Variants in CACNA1B observed in about 807,000 individuals in gnomAD.
The protein encoded by CACNA1B is voltage-dependent N-type calcium channel subunit alpha-1B.
CACNA1B carries 70 observed loss-of-function variants against 247.2 expected under a neutral mutation model. That is an observed-to-expected ratio of 0.28 (90% confidence interval 0.23 to 0.35). The LOEUF (loss-of-function observed/expected upper bound fraction) is 0.35. CACNA1B is among the 10% of genes least tolerant of loss of function. The pLI, the probability that CACNA1B is intolerant of heterozygous loss-of-function variation, is 1.00. For synonymous variants in CACNA1B, 1,231 were observed against 1,294.4 expected, an observed-to-expected ratio of 0.95 and a Z score of 1.05; for missense variants, 2,367 against 3,197.4, an observed-to-expected ratio of 0.74 and a Z score of 6.26.
intron 12 of CACNA1B, among the ~76,000 whole-genome samples, chr9:137,978,150 CACT>C (rs1958246601): frequency 7.8e-6 from 1 of 127,778 alleles, no homozygotes; most frequent in Non-Finnish European, 1.6e-5. Context: ...AGGGTGGGAG[CACT>C]ACTTCCCCCC....
At chr9:137,927,100 C>T (rs1425811586) in intron 6 of CACNA1B, among the ~76,000 whole-genome samples, 1 of 152,094 alleles carries the variant, frequency 6.6e-6, no homozygotes, top group Non-Finnish European at 1.5e-5. Flanking sequence ...TCCAAGAAGT[C>T]GCTGTCAAAT....
intron 42 of CACNA1B, among the ~76,000 whole-genome samples, chr9:138,117,415 G>T (rs1264739537): frequency 6.6e-6 from 1 of 152,060 alleles, no homozygotes; most frequent in African/African-American, 2.4e-5. Context: ...TCCCCTCCAT[G>T]ACAGCTTTGC....
chr9:138,108,612 G>T (rs1429159416), intron 39 of CACNA1B, among the ~76,000 whole-genome samples: 1 of 151,816 alleles, frequency 6.6e-6, no homozygotes, highest in Non-Finnish European at 1.5e-5. Context: ...TATAAACATA[G>T]ATTTTTTTAA....
intron 36 of CACNA1B, among the ~76,000 whole-genome samples, chr9:138,092,788 A>G (rs1228931869): frequency 6.6e-6 from 1 of 152,196 alleles, no homozygotes; most frequent in Non-Finnish European, 1.5e-5. Context: ...AATTTGGGGA[A>G]CTAACAAATG....
At chr9:138,113,572 G>C (rs1337944357) in intron 40 of CACNA1B, among the ~76,000 whole-genome samples, 24 of 98,038 alleles carry the variant, frequency 2.4e-4, no homozygotes, top group African/African-American at 3.3e-4. Context: ...GTGCCCAACT[G>C]CATCTTGCGG....
rs181231786 is a variant in CACNA1B, at chr9:137,961,302, G to A, written c.1333+3615G>A. 2.4e-3 allele frequency among the ~76,000 whole-genome samples: 368 copies of A among 152,170 alleles called. 6 individuals are homozygous for A. Among genetic ancestry groups the A allele is most frequent in the Non-Finnish European group, 4.0e-4 (27 of 67,968 alleles). ...TCAGCTTGAGAATATTTTGGGCTCA[G>A]ATGATGGCATCTGCAAACAAAGATG... On this transcript the variant is annotated intron_variant, in intron 10 of 46. Transcript: ENST00000371372.
At chr9:137,908,731 C>A (rs1310062014) in intron 3 of CACNA1B, among the ~76,000 whole-genome samples, 19 of 141,224 alleles carry the variant, frequency 1.3e-4, no homozygotes, top group East Asian at 9.0e-4. Flanking sequence ...CCTGGGTTCA[C>A]GCCATTCTCC....
Position 138,073,723 on chromosome 9 carries a change from G to T in CACNA1B, c.4791+119G>T, listed in dbSNP as rs1050446464. On this transcript the variant is annotated intron_variant, in intron 33 of 46. Coordinates refer to ENST00000371372, the MANE Select transcript of CACNA1B (RefSeq NM_000718.4). This position sits in a 1 kb window ranked among gnomAD's most constrained non-coding sequence, Gnocchi z 6.4. ...GGAGAGGGTATGGCATGCAGGTTTC[G>T]TGGTTGTATGCATTGTCCTGTTGTC... 4.3e-6 allele frequency: 3 copies of T among 693,480 alleles called. No individual in the cohort carries two copies. The highest frequency in any genetic ancestry group is 3.1e-4 in the Middle Eastern group (1 of 3,272). 43.0% of individuals were successfully genotyped at this position (693,480 alleles called of 1,614,324 possible).
intron 18 of CACNA1B, among the ~76,000 whole-genome samples, chr9:138,016,545 G>T (rs2133428385): frequency 6.6e-6 from 1 of 152,356 alleles, no homozygotes; most frequent in South Asian, 2.1e-4. Context: ...GTGGGGTCCA[G>T]GTGCTTGCCG....
Position 137,879,170 on chromosome 9 carries a change from G to C in CACNA1B, c.390+11G>C. The stretch of plus-strand genomic sequence containing the variant: ...ATGTCCGAGCGGCTGGTGAGTGCCC[G>C]GCTGGGCCTGAGGGCAGGGTGGTGG... On this transcript the variant is annotated intron_variant, in intron 2 of 46. Transcript: ENST00000371372. 1 of 1,581,052 alleles carries C rather than the reference G, an allele frequency of 6.3e-7. No homozygotes were observed. The highest frequency in any genetic ancestry group is 1.3e-5 in the African/African-American group (1 of 74,480).
In CACNA1B at chr9:137,986,688, C is replaced by CTGAAGCGAGCAGGT. The variant is rs955496943; in HGVS notation, c.1902-90_1902-77dup. On this transcript the variant is annotated intron_variant, in intron 14 of 46. Transcript: ENST00000371372. This position sits in a 1 kb window ranked among gnomAD's most constrained non-coding sequence, Gnocchi z 6.0. ...GGGCCAGTGTGCAGCCATCTGCAGC[C>CTGAAGCGAGCAGGT]TGAAGCGAGCAGGTTGAGGCCACGC... The CTGAAGCGAGCAGGT allele has an allele frequency of 2.8e-6, 4 of 1,412,478 alleles. No homozygotes were observed. In the African/African-American group the frequency reaches 5.6e-5, roughly 20 times the overall value. 87.5% of individuals were successfully genotyped at this position (1,412,478 alleles called of 1,614,324 possible).
At chr9:138,061,607 C>T (rs1009220241) in intron 31 of CACNA1B, among the ~76,000 whole-genome samples, 1 of 152,174 alleles carries the variant, frequency 6.6e-6, no homozygotes, top group Non-Finnish European at 1.5e-5. Flanking sequence ...CCCGCGGTCA[C>T]CTGGCTCACA....
intron 37 of CACNA1B, among the ~76,000 whole-genome samples, chr9:138,097,949 C>T (rs1260161840): frequency 2.0e-5 from 3 of 152,188 alleles, no homozygotes; most frequent in Non-Finnish European, 4.4e-5. Context: ...AGTGAGGATC[C>T]AGAGGGTGCT....
intron 10 of CACNA1B, among the ~76,000 whole-genome samples, chr9:137,968,777 A>T (rs1265279863): frequency 6.6e-6 from 1 of 152,218 alleles, no homozygotes; most frequent in Non-Finnish European, 1.5e-5. Flanking sequence ...AGAGAAAGAA[A>T]TCTAAGTATT....
chr9:138,107,583 G>A (rs1042121743), intron 39 of CACNA1B, among the ~76,000 whole-genome samples: 2 of 151,792 alleles, frequency 1.3e-5, no homozygotes, highest in African/African-American at 4.8e-5. Flanking sequence ...CCCCATTGCC[G>A]CCTCCTCTGG....
chr9:137,886,177 T>C (rs1957009059), intron 3 of CACNA1B, among the ~76,000 whole-genome samples: 1 of 151,820 alleles, frequency 6.6e-6, no homozygotes, highest in African/African-American at 2.4e-5. Flanking sequence ...AATAACACCG[T>C]GCTACCAGGG....
intron 3 of CACNA1B, among the ~76,000 whole-genome samples, chr9:137,902,837 A>G (rs1454978867): frequency 6.6e-6 from 1 of 152,186 alleles, no homozygotes; most frequent in Non-Finnish European, 1.5e-5. Flanking sequence ...TGAGGGCCCC[A>G]CGAGTGCTCA....
chr9:138,026,002 C>T (rs1287995049), intron 20 of CACNA1B, among the ~76,000 whole-genome samples: 1 of 152,234 alleles, frequency 6.6e-6, no homozygotes, highest in Non-Finnish European at 1.5e-5. Flanking sequence ...TCAGGTGCCA[C>T]CACATGCATG....
chr9:137,895,575 A>AC (rs1957163628), intron 3 of CACNA1B, among the ~76,000 whole-genome samples: 1 of 152,210 alleles, frequency 6.6e-6, no homozygotes, highest in African/African-American at 2.4e-5. Flanking sequence ...TGTTACATTT[A>AC]CATCTAAGTA....
Sources: gnomAD v4.1 joint callset for allele counts (sites outside exome capture counted in the v4.1 genomes callset) on GRCh38, gnomAD v4.1.1 for gene constraint, Gnocchi (gnomAD v3.1) non-coding constraint, MANE v1.5 for transcripts, NCBI Gene and HGNC (gene_info 2026-07-23, HGNC 2026-07-21) for gene names.